The following SGCD variants were observed in gnomAD, a reference collection of about 807,000 sequenced individuals.
SGCD encodes sarcoglycan delta, also known as delta-sarcoglycan.
SGCD carries 18 observed loss-of-function variants against 36.6 expected under a neutral mutation model. The ratio of observed to expected loss-of-function variants is 0.49; its 90% CI spans 0.34 to 0.73. The LOEUF (loss-of-function observed/expected upper bound fraction) is 0.73, where lower values mean the gene tolerates loss of function less well. Among genes scored for constraint, SGCD ranks in the 30% least tolerant of loss-of-function variants. The pLI is 0.01. For missense variants in SGCD, 387 were observed against 346.7 expected, an observed-to-expected ratio of 1.12 and a Z score of -0.92; for synonymous variants, 133 against 130.6, an observed-to-expected ratio of 1.02 and a Z score of -0.12.
chr5:156,195,317 A>C (rs1029447905), intron 3 of SGCD, among the ~76,000 whole-genome samples: 6 of 152,170 alleles, frequency 3.9e-5, no homozygotes, highest in Non-Finnish European at 1.5e-5. Context: ...GTGGGTTTGC[A>C]TTTTATTCTT....
At chr5:156,712,152 A>T (rs1333135954) in intron 7 of SGCD, among the ~76,000 whole-genome samples, 1 of 151,742 alleles carries the variant, frequency 6.6e-6, no homozygotes, top group East Asian at 1.9e-4. Flanking sequence ...TCTTGTGCTG[A>T]CCTCCCATCT....
chr5:155,787,321 G>T, the SGCD span, among the ~76,000 whole-genome samples: 1 of 152,230 alleles, frequency 6.6e-6, no homozygotes, highest in Non-Finnish European at 1.5e-5. Flanking sequence ...CCTCCAATCC[G>T]ATAAAACTTT....
At chr5:156,278,970 G>A (rs1235885824) in intron 3 of SGCD, among the ~76,000 whole-genome samples, 1 of 152,140 alleles carries the variant, frequency 6.6e-6, no homozygotes, top group Non-Finnish European at 1.5e-5. Context: ...GTCTAGCAAT[G>A]TCTGGAGTTG....
chr5:156,087,921 C>G (rs1462781583), intron 1 of SGCD, among the ~76,000 whole-genome samples: 1 of 152,120 alleles, frequency 6.6e-6, no homozygotes, highest in Admixed American at 6.5e-5. Context: ...TGTCCCTGAG[C>G]CCAGGAGAGG....
At chr5:156,100,067 C>A (rs1434065815) in intron 1 of SGCD, among the ~76,000 whole-genome samples, 1 of 151,988 alleles carries the variant, frequency 6.6e-6, no homozygotes, top group African/African-American at 2.4e-5. Context: ...CCTATTGAGG[C>A]AGAACAGTCT....
intron 3 of SGCD, among the ~76,000 whole-genome samples, chr5:156,357,158 C>T (rs144701752): frequency 7.9e-5 from 12 of 152,314 alleles, no homozygotes; most frequent in Admixed American, 3.9e-4. Flanking sequence ...AGCGTGCAGT[C>T]ACCACACCTG....
At chr5:156,563,605 G>T (rs545112865) in intron 4 of SGCD, among the ~76,000 whole-genome samples, 1 of 152,358 alleles carries the variant, frequency 6.6e-6, no homozygotes, top group South Asian at 2.1e-4. Flanking sequence ...ATTACAGAGA[G>T]ATTTGCCATA....
At position 156,166,478 on chromosome 5, in the gene SGCD, G is replaced by A. The variant is rs192860444; in HGVS notation, c.-44+42459G>A. Among the ~76,000 whole-genome samples, 3 of 152,224 alleles carry A rather than the reference G, an allele frequency of 2.0e-5. No homozygotes were observed. In the East Asian group the frequency reaches 5.8e-4, roughly 29 times the overall value. On this transcript the variant is annotated intron_variant, in intron 3 of 9. Transcript: ENST00000517913. ...ACTACAGATGCCAGACACCACGCCT[G>A]GCTAATTTTGTTTTTGTATTTTTGG... is the stretch of plus-strand genomic sequence containing the variant.
At chr5:156,135,009 C>A (rs1762421544) in intron 3 of SGCD, among the ~76,000 whole-genome samples, 1 of 152,026 alleles carries the variant, frequency 6.6e-6, no homozygotes, top group Non-Finnish European at 1.5e-5. Context: ...AGTCAGTCTC[C>A]CTCAATGAAA....
At chr5:156,737,586 CA>C (rs1395535121) in intron 7 of SGCD, among the ~76,000 whole-genome samples, 2 of 152,140 alleles carry the variant, frequency 1.3e-5, no homozygotes, top group Non-Finnish European at 2.9e-5. Context: ...TTGCTCCCCA[CA>C]GAGAGGGATT....
At chr5:156,218,313 A>G (rs995846135) in intron 3 of SGCD, among the ~76,000 whole-genome samples, 3 of 152,232 alleles carry the variant, frequency 2.0e-5, no homozygotes, top group Non-Finnish European at 4.4e-5. Context: ...AACAACATGA[A>G]AGATATTACA....
chr5:156,262,784 G>A (rs1278706877), intron 3 of SGCD, among the ~76,000 whole-genome samples: 1 of 152,208 alleles, frequency 6.6e-6, no homozygotes, highest in Non-Finnish European at 1.5e-5. Flanking sequence ...AGAACATACA[G>A]TGTTTGGTTT....
chr5:155,912,750 C>T (rs1235271211), intron 1 of SGCD, among the ~76,000 whole-genome samples: 1 of 151,844 alleles, frequency 6.6e-6, no homozygotes, highest in African/African-American at 2.4e-5. Flanking sequence ...TCCCCTCTTC[C>T]TTCTCTTCTC....
chr5:156,434,577 A>G (rs539604008), intron 3 of SGCD, among the ~76,000 whole-genome samples: 1 of 152,336 alleles, frequency 6.6e-6, no homozygotes, highest in Admixed American at 6.5e-5. Flanking sequence ...ACATTAATGA[A>G]TGAAGCCGTA....
At chr5:156,604,802 T>A (rs894694690) in intron 6 of SGCD, among the ~76,000 whole-genome samples, 4 of 32,146 alleles carry the variant, frequency 1.2e-4, no homozygotes, top group Non-Finnish European at 3.4e-4. Context: ...ATAATATATA[T>A]AAATTATACA....
chr5:156,437,538 G>T (rs941423895), intron 3 of SGCD, among the ~76,000 whole-genome samples: 1 of 152,100 alleles, frequency 6.6e-6, no homozygotes, highest in South Asian at 2.1e-4. Context: ...TTCTTTGTAG[G>T]TTTGGCAAAT....
At chr5:156,296,901 C>T (rs1766907247) in intron 3 of SGCD, among the ~76,000 whole-genome samples, 1 of 151,966 alleles carries the variant, frequency 6.6e-6, no homozygotes, top group African/African-American at 2.4e-5. Flanking sequence ...TGTACACATG[C>T]ACACTATATA....
At chr5:155,929,390 T>A (rs568174683) in intron 1 of SGCD, among the ~76,000 whole-genome samples, 1 of 152,180 alleles carries the variant, frequency 6.6e-6, no homozygotes, top group Non-Finnish European at 1.5e-5. Flanking sequence ...AAAAGATTCT[T>A]TCTTTCTATA....
At chr5:156,319,257 G>A (rs1353617064) in intron 3 of SGCD, among the ~76,000 whole-genome samples, 1 of 152,060 alleles carries the variant, frequency 6.6e-6, no homozygotes, top group Admixed American at 6.6e-5. Context: ...GAAGCCTTGG[G>A]GAAAATCCCT....
Sources: allele counts gnomAD v4.1 joint callset (sites outside exome capture counted in the v4.1 genomes callset), GRCh38; gene constraint gnomAD v4.1.1; transcripts MANE v1.5; gene names NCBI Gene and HGNC (gene_info 2026-07-23, HGNC 2026-07-21).